The following ERBIN variants were observed in gnomAD, a reference collection of about 807,000 sequenced individuals.
ERBIN encodes erbb2 interacting protein, also known as densin-180-like protein.
A neutral mutation model predicts 158.4 loss-of-function variants in ERBIN; 60 were observed. The ratio of observed to expected loss-of-function variants is 0.38; its 90% confidence interval spans 0.31 to 0.47. ERBIN has a LOEUF of 0.47. ERBIN is among the 20% of genes least tolerant of loss of function. The pLI, the probability that ERBIN is intolerant of heterozygous loss-of-function variation, is 0.99. For synonymous variants in ERBIN, 594 were observed against 557.2 expected (o/e 1.07, Z -0.93); for missense variants, 1,610 against 1,648.0 (o/e 0.98, Z 0.40).
intron 4 of ERBIN, among the ~76,000 whole-genome samples, chr5:66,003,898 C>T (rs1199526078): frequency 7.2e-6 from 1 of 139,614 alleles, no homozygotes; most frequent in East Asian, 2.1e-4. Flanking sequence ...TAATCTAGAG[C>T]TTCATTTCAC....
chr5:65,971,421 G>A (rs1041435607), intron 1 of ERBIN, among the ~76,000 whole-genome samples: 7 of 152,090 alleles, frequency 4.6e-5, no homozygotes, highest in African/African-American at 1.4e-4. Context: ...ATTTATATAT[G>A]AATTTTCACT....
At chr5:66,018,838 T>G (rs28463134) in intron 7 of ERBIN, among the ~76,000 whole-genome samples, 8,736 of 150,912 alleles carry the variant, frequency 0.058, 885 homozygotes, top group African/African-American at 0.2. Context: ...GGTTTCACCA[T>G]GTTAGCCAGG....
chr5:66,057,813 G>T (rs9765778), intron 21 of ERBIN, among the ~76,000 whole-genome samples: 1 of 149,416 alleles, frequency 6.7e-6, no homozygotes, highest in African/African-American at 2.5e-5. Context: ...TTGGTTTTTC[G>T]TCCTTGTGAT....
chr5:65,951,785 C>T (rs1192545440), intron 1 of ERBIN, among the ~76,000 whole-genome samples: 1 of 152,152 alleles, frequency 6.6e-6, no homozygotes, highest in Non-Finnish European at 1.5e-5. Flanking sequence ...TAAACTATAA[C>T]ATTTATTTAA....
chr5:65,980,733 C>A (rs1367715336), intron 1 of ERBIN, among the ~76,000 whole-genome samples: 2 of 150,892 alleles, frequency 1.3e-5, no homozygotes, highest in Non-Finnish European at 2.9e-5. Context: ...AAAAAAAAAA[C>A]CTCGTAATGT....
chr5:66,063,417 G>A (rs1398486464), intron 21 of ERBIN, among the ~76,000 whole-genome samples: 4 of 152,190 alleles, frequency 2.6e-5, no homozygotes, highest in South Asian at 2.1e-4. Context: ...GGAGTGACCC[G>A]ATTTTCCAGG....
intron 15 of ERBIN, among the ~76,000 whole-genome samples, chr5:66,039,356 G>A (rs554328728): frequency 4.0e-5 from 6 of 151,814 alleles, no homozygotes; most frequent in South Asian, 2.1e-4. Flanking sequence ...CTTAACTTAC[G>A]CTAGTATTCT....
chr5:65,930,500 C>T (rs759479691), intron 1 of ERBIN, among the ~76,000 whole-genome samples: 3 of 152,048 alleles, frequency 2.0e-5, no homozygotes, highest in Admixed American at 1.3e-4. Context: ...AGTAGAGACG[C>T]GGTTTCACCG....
In ERBIN at chr5:66,038,037, A is replaced by G. The variant is rs575796746; in HGVS notation, c.1207-346A>G. On this transcript the variant is annotated intron_variant, in intron 14 of 25. Transcript: ENST00000284037. ...TACTAGAGAGGGCAAAATAATATACAATGGAAAGGCTTATTTTATAACTGT... is the reference window on the plus strand; with the variant it reads ...TACTAGAGAGGGCAAAATAATATACGATGGAAAGGCTTATTTTATAACTGT... 3.9e-5 allele frequency among the ~76,000 whole-genome samples: 6 copies of G among 152,300 alleles called. No individual in the cohort carries two copies. The South Asian group carries it at 1.2e-3, about 32-fold the overall frequency.
At position 66,039,042 on chromosome 5, in the gene ERBIN, GTGTT is replaced by G. The variant is rs1202800265; in HGVS notation, c.1306+562_1306+565del. ...ACTCTCTGCGTGTGTGTGTGTGTGT[GTGTT>G]TATTGTGTTACACTTAAAGTAACTA... is the stretch of plus-strand genomic sequence containing the variant. On this transcript the variant is annotated intron_variant, in intron 15 of 25. Coordinates refer to ENST00000284037, the MANE Select transcript of ERBIN (RefSeq NM_001253697.2). 2.0e-5 allele frequency among the ~76,000 whole-genome samples: 3 copies of G among 151,910 alleles called. No homozygotes were observed. The East Asian group carries it at 5.8e-4, about 29-fold the overall frequency.
chr5:65,977,892 C>T lies in ERBIN; in HGVS notation c.-57-10743C>T, dbSNP rs551438939. ...ATTGAGCACTGAGTGAACGAGACTC[C>T]GTCTGCAATCCCGGCACCTCAGGAG... is the stretch of plus-strand genomic sequence containing the variant. On this transcript the variant is annotated intron_variant, in intron 1 of 25. Coordinates refer to ENST00000284037, the MANE Select transcript of ERBIN (RefSeq NM_001253697.2). 5.3e-5 allele frequency among the ~76,000 whole-genome samples: 8 copies of T among 151,144 alleles called. No individual in the cohort carries two copies. The East Asian group carries it at 1.6e-3, about 29-fold the overall frequency.
At chr5:65,940,887 G>A (rs1407948135) in intron 1 of ERBIN, among the ~76,000 whole-genome samples, 1 of 152,050 alleles carries the variant, frequency 6.6e-6, no homozygotes, top group African/African-American at 2.4e-5. Context: ...GGGGAAAGGC[G>A]GGGAAAGGAT....
chr5:66,080,353 T>C lies in ERBIN; in HGVS notation c.*1823T>C, dbSNP rs770501489. ...TGATTGAAACCCTTTAACAACTCTT[T>C]GTAAATTTTAACTCATTTTAGTTGA... On this transcript the variant is annotated 3_prime_UTR_variant, in exon 26 of 26. Transcript: ENST00000284037. 1 of 152,556 alleles carries C rather than the reference T, an allele frequency of 6.6e-6. No individual in the cohort carries two copies. Among genetic ancestry groups the C allele is most frequent in the Non-Finnish European group, 1.5e-5 (1 of 67,948 alleles). 9.5% of individuals were successfully genotyped at this position (152,556 alleles called of 1,614,324 possible).
At chr5:65,949,716 AATACTATTAATTAAAC>A (rs1333335543) in intron 1 of ERBIN, among the ~76,000 whole-genome samples, 3 of 152,250 alleles carry the variant, frequency 2.0e-5, no homozygotes, top group African/African-American at 7.2e-5. Flanking sequence ...ACCTTGATAA[AATACTATTAATTAAAC>A]TACAGAGTTT....
intron 1 of ERBIN, among the ~76,000 whole-genome samples, chr5:65,936,832 G>A (rs73105535): frequency 0.01 from 1,558 of 152,214 alleles, 24 homozygotes; most frequent in African/African-American, 0.035. Flanking sequence ...GATATACTCC[G>A]GTATGTGTAG....
At chr5:65,996,743 A>AT in intron 4 of ERBIN, among the ~76,000 whole-genome samples, 1 of 152,194 alleles carries the variant, frequency 6.6e-6, no homozygotes, top group East Asian at 1.9e-4. Flanking sequence ...AACAATATTG[A>AT]TTTTGAAGTC....
At chr5:65,943,516 A>G (rs1385208927) in intron 1 of ERBIN, among the ~76,000 whole-genome samples, 4 of 152,216 alleles carry the variant, frequency 2.6e-5, no homozygotes, top group Non-Finnish European at 2.9e-5. Flanking sequence ...AAATGAAAGT[A>G]GAAGCTCTCC....
At chr5:66,048,430 G>A (rs900868590) in intron 18 of ERBIN, among the ~76,000 whole-genome samples, 2 of 151,848 alleles carry the variant, frequency 1.3e-5, no homozygotes, top group African/African-American at 4.8e-5. Flanking sequence ...TATAAAAAAG[G>A]GAATAGAGGA....
chr5:66,005,926 C>T (rs1285064659), intron 4 of ERBIN, among the ~76,000 whole-genome samples: 1 of 152,154 alleles, frequency 6.6e-6, no homozygotes, highest in Non-Finnish European at 1.5e-5. Flanking sequence ...ACATTCCATG[C>T]TCATGGGTAG....
Sources: gnomAD v4.1 joint callset for allele counts (sites outside exome capture counted in the v4.1 genomes callset) on GRCh38, gnomAD v4.1.1 for gene constraint, MANE v1.5 for transcripts, NCBI Gene and HGNC (gene_info 2026-07-23, HGNC 2026-07-21) for gene names.